ART3: variants seen among roughly 807,000 people sequenced by gnomAD.
The protein encoded by ART3 is ADP-ribosyltransferase 3 (inactive).
A neutral mutation model predicts 48.5 loss-of-function variants in ART3; 49 were observed. That is an observed-to-expected ratio of 1.01 (90% CI 0.80 to 1.28). The LOEUF (loss-of-function observed/expected upper bound fraction) is 1.28, where lower values mean the gene tolerates loss of function less well. Ranked by LOEUF, ART3 falls within the 50% of genes most tolerant of loss-of-function variation. ART3 has a pLI of 0.00. For synonymous variants in ART3, 145 were observed against 157.2 expected, an observed-to-expected ratio of 0.92 and a Z score of 0.58; for missense variants, 438 against 454.3, an observed-to-expected ratio of 0.96 and a Z score of 0.33.
intron 2 of ART3, 67 bp downstream of exon 2, chr4:76,076,025 G>C: frequency 7.5e-7 from 1 of 1,326,110 alleles, no homozygotes. Context: ...TTTTTGAGAC[G>C]GAGTCTCTCT....
intron 1 of ART3, among the ~76,000 whole-genome samples, chr4:76,062,204 C>T (rs973631343): frequency 2.0e-5 from 3 of 152,146 alleles, no homozygotes; most frequent in Non-Finnish European, 4.4e-5. Flanking sequence ...GTTTTGCTTC[C>T]TATTTTTTAA....
At chr4:76,101,338 T>TA (rs1427868743) in intron 8 of ART3, among the ~76,000 whole-genome samples, 5 of 152,252 alleles carry the variant, frequency 3.3e-5, no homozygotes, top group Non-Finnish European at 5.9e-5. Flanking sequence ...TTTTCTAAAT[T>TA]AAAATGACTA....
intron 1 of ART3, among the ~76,000 whole-genome samples, chr4:76,042,092 A>C (rs1735026619): frequency 6.6e-6 from 1 of 152,232 alleles, no homozygotes; most frequent in South Asian, 2.1e-4. Flanking sequence ...AAATGATGGA[A>C]TCTAGTTTCC....
chr4:76,046,866 C>A (rs543848033), intron 1 of ART3, among the ~76,000 whole-genome samples: 1 of 152,056 alleles, frequency 6.6e-6, no homozygotes, highest in Admixed American at 6.6e-5. Flanking sequence ...CGGGTGGTAA[C>A]GGACCTTGAG....
intron 3 of ART3, among the ~76,000 whole-genome samples, chr4:76,096,964 C>A: frequency 6.6e-6 from 1 of 152,088 alleles, no homozygotes; most frequent in Admixed American, 6.5e-5. Flanking sequence ...CTGTTGAGGA[C>A]GTTTAGTATC....
At chr4:76,047,272 T>C (rs1305512865) in intron 1 of ART3, among the ~76,000 whole-genome samples, 2 of 152,032 alleles carry the variant, frequency 1.3e-5, no homozygotes, top group African/African-American at 4.8e-5. Context: ...GGGCCATGAC[T>C]AAGGCTGTGG....
chr4:76,042,453 G>A (rs1735056290), intron 1 of ART3, among the ~76,000 whole-genome samples: 1 of 152,188 alleles, frequency 6.6e-6, no homozygotes, highest in South Asian at 2.1e-4. Context: ...TAGGGAAGAG[G>A]TTGCCAGGCA....
intron 9 of ART3, chr4:76,104,269 A>G: frequency 1.2e-6 from 1 of 845,054 alleles, no homozygotes; most frequent in Non-Finnish European, 1.4e-6. Context: ...TTCTACAGCT[A>G]AAGTTATTCA....
rs369181783 is a variant in ART3 at position 76,011,759 on chromosome 4, A to G, written c.-10+439A>G. On this transcript the variant is annotated intron_variant, in intron 1 of 9. Transcript: ENST00000341029. ...AGGGTAGGGCCCCGCCCCTCTGAGC[A>G]GGCTGGGGCCGCTGCGCCCAGCTCA... 1.5e-3 allele frequency among the ~76,000 whole-genome samples: 224 copies of G among 152,346 alleles called. 3 individuals are homozygous for G. Among genetic ancestry groups the G allele is most frequent in the African/African-American group, 5.0e-3 (206 of 41,596 alleles).
At chr4:76,046,625 A>C (rs922981225) in intron 1 of ART3, among the ~76,000 whole-genome samples, 3 of 151,982 alleles carry the variant, frequency 2.0e-5, no homozygotes, top group Non-Finnish European at 2.9e-5. Flanking sequence ...TTGTCCTTCC[A>C]ATGCCCAGAC....
At chr4:76,106,198 G>A (rs1287080828) in intron 10 of ART3, 1 of 985,300 alleles carries the variant, frequency 1.0e-6, no homozygotes, top group African/African-American at 1.7e-5. Flanking sequence ...TTCACTTTGT[G>A]CTACACTTGT....
intron 1 of ART3, among the ~76,000 whole-genome samples, chr4:76,062,559 CTT>C (rs34383642): frequency 9.7e-5 from 11 of 113,084 alleles, no homozygotes; most frequent in Admixed American, 2.2e-4. Flanking sequence ...AAAAATAAAT[CTT>C]TTTTTTTTTT....
rs1720934950 is a variant in ART3 at position 76,075,903 on chromosome 4, AT to A, written c.18del (p.Phe6LeufsTer3). 1 of 1,612,228 alleles carries A rather than the reference AT, an allele frequency of 6.2e-7. No homozygotes were observed. The highest frequency in any genetic ancestry group is 8.5e-7 in the Non-Finnish European group (1 of 1,179,158). On this transcript the variant is annotated frameshift_variant, in exon 2 of 12. Transcript: ENST00000355810. LOFTEE classifies it high-confidence loss of function. MKTG[H>X]FEIVTMLLAT... ...TAGAAGAGAAAAATGAAGACGGGAC[AT>A]TTTGAAATAGTCACCATGCTGCTGG...
intron 2 of ART3, among the ~76,000 whole-genome samples, chr4:76,077,867 TG>T (rs1291271792): frequency 6.6e-6 from 1 of 152,238 alleles, no homozygotes; most frequent in African/African-American, 2.4e-5. Context: ...ACATGTTACT[TG>T]GTTTTTCATC....
intron 2 of ART3, among the ~76,000 whole-genome samples, chr4:76,080,212 T>C (rs1722152082): frequency 6.6e-6 from 1 of 152,220 alleles, no homozygotes; most frequent in Non-Finnish European, 1.5e-5. Flanking sequence ...TGTAGTTCAC[T>C]TGAATATTTT....
At chr4:76,072,639 C>G (rs1316400209), upstream of ART3, among the ~76,000 whole-genome samples, 1 of 118,670 alleles carries the variant, frequency 8.4e-6, no homozygotes, top group African/African-American at 4.6e-5. Flanking sequence ...TAAATCAGAT[C>G]ATGTTATACC....
intron 9 of ART3, 186 bp from the exon 10 acceptor site, chr4:76,104,411 C>A (rs1728015381): frequency 1.0e-6 from 1 of 985,284 alleles, no homozygotes; most frequent in Admixed American, 6.2e-5. Flanking sequence ...GCAGAAGACT[C>A]CTCTAATCAT....
intron 4 of ART3, 22 bp downstream of exon 4, chr4:76,097,698 A>T (rs577413356): frequency 6.3e-7 from 1 of 1,588,196 alleles, no homozygotes; most frequent in East Asian, 2.2e-5. Context: ...TTAAAGTCTT[A>T]TCCCTATAAT....
At chr4:76,042,653 A>C (rs374994427) in intron 1 of ART3, among the ~76,000 whole-genome samples, 10 of 151,644 alleles carry the variant, frequency 6.6e-5, no homozygotes, top group African/African-American at 2.4e-4. Context: ...TGATGTTCGG[A>C]TGTGTTCGGA....
Sources: allele counts gnomAD v4.1 joint callset (sites outside exome capture counted in the v4.1 genomes callset), GRCh38; gene constraint gnomAD v4.1.1; transcripts MANE v1.5; gene names NCBI Gene and HGNC (gene_info 2026-07-23, HGNC 2026-07-21).